The following C6orf89 variants were observed in gnomAD, a reference collection of about 807,000 sequenced individuals.
C6orf89 encodes the protein bombesin receptor-activated protein C6orf89.
Under a neutral mutation model 40.7 loss-of-function variants are expected in C6orf89, and 29 were observed. That is an observed-to-expected ratio of 0.71 (90% CI 0.53 to 0.97). C6orf89 has a LOEUF of 0.97. Among genes scored for constraint, C6orf89 ranks in the 50% least tolerant of loss-of-function variants. C6orf89 has a pLI of 0.00. For synonymous variants in C6orf89, 165 were observed against 152.2 expected (o/e 1.08, Z -0.62); for missense variants, 392 against 429.1 (o/e 0.91, Z 0.76).
At chr6:36,898,373 G>A (rs917920998) in intron 2 of C6orf89, among the ~76,000 whole-genome samples, 2 of 149,714 alleles carry the variant, frequency 1.3e-5, no homozygotes, top group Non-Finnish European at 3.0e-5. Flanking sequence ...TCTGCCTCCC[G>A]AGTTCAAGAG....
chr6:36,895,464 G>A (rs1761388165), intron 2 of C6orf89, among the ~76,000 whole-genome samples: 1 of 152,128 alleles, frequency 6.6e-6, no homozygotes, highest in Admixed American at 6.5e-5. Context: ...GGTGGTCTCA[G>A]ATAAGTCACT....
chr6:36,885,256 T>A (rs1774931708), upstream of C6orf89, among the ~76,000 whole-genome samples: 1 of 152,210 alleles, frequency 6.6e-6, no homozygotes, highest in Non-Finnish European at 1.5e-5. Context: ...CTGCTGAATG[T>A]TCAATCTGCG....
intron 8 of C6orf89, among the ~76,000 whole-genome samples, chr6:36,921,168 G>A (rs968133157): frequency 6.9e-6 from 1 of 145,676 alleles, no homozygotes; most frequent in Non-Finnish European, 1.5e-5. Context: ...AGAACACAGA[G>A]ATGGATGGGG....
intron 1 of C6orf89, among the ~76,000 whole-genome samples, chr6:36,873,914 G>C (rs954304974): frequency 1.3e-5 from 2 of 152,198 alleles, no homozygotes; most frequent in African/African-American, 2.4e-5. Context: ...ATAGCAGCAA[G>C]ACGTTATTAA....
chr6:36,909,797 A>AG (rs1762060308), intron 4 of C6orf89, among the ~76,000 whole-genome samples: 1 of 152,028 alleles, frequency 6.6e-6, no homozygotes, highest in Non-Finnish European at 1.5e-5. Flanking sequence ...AAAAAAAAAA[A>AG]AAAGTTTTTT....
chr6:36,886,889 G>T (rs189086410), intron 1 of C6orf89, among the ~76,000 whole-genome samples: 22 of 152,218 alleles, frequency 1.4e-4, no homozygotes, highest in Admixed American at 8.5e-4. Flanking sequence ...ATTCAATTCT[G>T]CTACATTGAA....
intron 1 of C6orf89, among the ~76,000 whole-genome samples, chr6:36,875,524 C>A (rs917062289): frequency 4.6e-5 from 7 of 152,166 alleles, no homozygotes; most frequent in Non-Finnish European, 1.0e-4. Flanking sequence ...ATAGATGGTA[C>A]CTGAAAGTTG....
chr6:36,915,477 C>T lies in C6orf89; in HGVS notation c.695+784C>T, dbSNP rs377207008. Among the ~76,000 whole-genome samples, 4 of 152,230 alleles carry T rather than the reference C, an allele frequency of 2.6e-5. No individual in the cohort carries two copies. The East Asian group carries it at 5.8e-4, about 22-fold the overall frequency. ...GGATCAGTAGCTAGGCGTGGTGGCTCATGCCTATAATCCCAACACTTTGGG... is the reference window on the plus strand; with the variant it reads ...GGATCAGTAGCTAGGCGTGGTGGCTTATGCCTATAATCCCAACACTTTGGG... On this transcript the variant is annotated intron_variant, in intron 6 of 8. Transcript: ENST00000480824.
chr6:36,909,829 T>A lies in C6orf89; in HGVS notation c.404-4455T>A, dbSNP rs369726821. On this transcript the variant is annotated intron_variant, in intron 4 of 8. Transcript: ENST00000480824. ...TTTTGTTAATTCAAACAGAGGCTTA[T>A]ATATTAGAAATACTGATTATTTGTC... is the stretch of plus-strand genomic sequence containing the variant. Among the ~76,000 whole-genome samples, 4 of 152,192 alleles carry A rather than the reference T, an allele frequency of 2.6e-5. No homozygotes were observed. In the East Asian group the frequency reaches 5.8e-4, roughly 22 times the overall value.
chr6:36,918,881 C>A (rs952938074), intron 7 of C6orf89, among the ~76,000 whole-genome samples: 13 of 152,192 alleles, frequency 8.5e-5, no homozygotes, highest in Admixed American at 3.9e-4. Flanking sequence ...CTCAGAGGGG[C>A]AGTAGTTACC....
At chr6:36,919,848 T>C in intron 8 of C6orf89, 147 bp downstream of exon 8, 1 of 837,564 alleles carries the variant, frequency 1.2e-6, no homozygotes, top group Non-Finnish European at 1.7e-6. Context: ...TCAATATTTA[T>C]GCTTAGAAAT....
Position 36,914,739 on chromosome 6 carries a change from C to T in C6orf89, c.695+46C>T, listed in dbSNP as rs757713357. On this transcript the variant is annotated intron_variant, in intron 6 of 8. Transcript: ENST00000480824. The stretch of plus-strand genomic sequence containing the variant: ...GCACAGTGGCTCATGCCTGTGATCC[C>T]AGCACTTTGGGAGGCCGAGGCAGGC... The T allele has an allele frequency of 1.8e-5, 29 of 1,596,824 alleles. No individual in the cohort carries two copies. In the South Asian group the frequency reaches 2.8e-4, roughly 15 times the overall value.
At chr6:36,921,903 C>G (rs1762523592) in intron 8 of C6orf89, among the ~76,000 whole-genome samples, 1 of 152,128 alleles carries the variant, frequency 6.6e-6, no homozygotes, top group Non-Finnish European at 1.5e-5. Context: ...TGGCACACGC[C>G]TGTAGTTCCA....
chr6:36,885,533 C>T (rs6934844), upstream of C6orf89, among the ~76,000 whole-genome samples: 66,721 of 151,912 alleles, frequency 0.44, 15,262 homozygotes, highest in East Asian at 0.65. Context: ...TGAGTGAAAA[C>T]TGGAGGGATT....
rs1344976347 is a variant in C6orf89 at position 36,926,576 on chromosome 6, A to AGAGGGGAGGG, written c.*3141_*3150dup. The AGAGGGGAGGG allele has an allele frequency of 9.5e-6, 1 of 104,904 alleles. No individual in the cohort carries two copies. Among genetic ancestry groups the AGAGGGGAGGG allele is most frequent in the Admixed American group, 1.1e-4 (1 of 9,308 alleles). The allele number at this position is 104,904 out of a possible 1,614,324, so 6.5% of individuals were successfully genotyped here. ...AAAAAAAAAAGAGAGAGAGAAAAGA[A>AGAGGGGAGGG]GAGGGGAGGGGAGGGAAAGGGAAGG... On this transcript the variant is annotated 3_prime_UTR_variant, in exon 9 of 9. Coordinates refer to ENST00000480824, the MANE Select transcript of C6orf89 (RefSeq NM_001286635.2).
At position 36,919,648 on chromosome 6, in the gene C6orf89, A is replaced by G. The variant is rs929770782; in HGVS notation, c.896A>G (p.Gln299Arg). Residue 299 changes from glutamine (Q) to arginine (R), a missense_variant, in exon 8 of 9, where the codon CAG becomes CGG. Physicochemically the swap from Gln to Arg is conservative, Grantham distance 43. Coordinates refer to ENST00000480824, the MANE Select transcript of C6orf89 (RefSeq NM_001286635.2). ...EAMLQLIPPF[Q>R]CRRHCQSVAM... ...ATGTTGCAGCTCATCCCTCCCTTCCAGTGCCGAAGACATTGTCAGTCTGTG... is the reference window on the plus strand; with the variant it reads ...ATGTTGCAGCTCATCCCTCCCTTCCGGTGCCGAAGACATTGTCAGTCTGTG... 8.7e-6 allele frequency: 14 copies of G among 1,613,976 alleles called. No homozygotes were observed. The highest frequency in any genetic ancestry group is 3.3e-4 in the Middle Eastern group (2 of 6,082).
At chr6:36,903,852 T>G (rs190348912) in intron 4 of C6orf89, among the ~76,000 whole-genome samples, 75 of 151,402 alleles carry the variant, frequency 5.0e-4, no homozygotes, top group Non-Finnish European at 8.7e-4. Context: ...GGAGTTTTTG[T>G]TTTTTTTTAA....
chr6:36,919,480 C>G (rs747964486), intron 7 of C6orf89, 98 bp from the exon 8 acceptor site: 2 of 1,420,704 alleles, frequency 1.4e-6, no homozygotes, highest in African/African-American at 2.9e-5. Context: ...CTAGGAAACT[C>G]AGAGCCATAT....
At chr6:36,874,847 T>A (rs760355938) in intron 1 of C6orf89, 11 of 1,522,630 alleles carry the variant, frequency 7.2e-6, no homozygotes, top group South Asian at 2.3e-5. Context: ...CCGTCGCTGC[T>A]GCACACTTCC....
Sources: gnomAD v4.1 joint callset for allele counts (sites outside exome capture counted in the v4.1 genomes callset) on GRCh38, gnomAD v4.1.1 for gene constraint, MANE v1.5 for transcripts, NCBI Gene and HGNC (gene_info 2026-07-23, HGNC 2026-07-21) for gene names.